Variants in FAT3 observed in about 807,000 individuals in gnomAD.
FAT3 encodes protocadherin Fat 3.
A neutral mutation model predicts 310.2 loss-of-function variants in FAT3; 95 were observed. The observed-to-expected ratio is 0.31, with a 90% CI of 0.26 to 0.36. The LOEUF is 0.36. Among genes scored for constraint, FAT3 ranks in the 10% least tolerant of loss-of-function variants. FAT3 has a pLI of 1.00. For synonymous variants in FAT3, 2,314 were observed against 2,192.9 expected, an observed-to-expected ratio of 1.06 and a Z score of -1.54; for missense variants, 5,408 against 5,715.6, an observed-to-expected ratio of 0.95 and a Z score of 1.74.
chr11:92,522,451 C>A (rs891178975), intron 2 of FAT3, among the ~76,000 whole-genome samples: 3 of 152,130 alleles, frequency 2.0e-5, no homozygotes, highest in African/African-American at 7.2e-5. Flanking sequence ...CCTTTATCAA[C>A]TAAGATGAAT....
rs549486103 is a variant in FAT3, at chr11:92,289,482, T to G, written c.-17-62614T>G. Among the ~76,000 whole-genome samples, 4 of 148,772 alleles carry G rather than the reference T, an allele frequency of 2.7e-5. No individual in the cohort carries two copies. The South Asian group carries it at 8.5e-4, about 32-fold the overall frequency. ...AAATGGTAGCTCCAACCTCCCAGCT[T>G]GGAGTCTCCATGATAGATACACACA... On this transcript the variant is annotated intron_variant, in intron 1 of 27. Transcript: ENST00000525166.
chr11:92,799,914 C>T lies in FAT3; in HGVS notation c.6901C>T (p.Leu2301Phe), dbSNP rs370503286. Residue 2301 changes from leucine to phenylalanine, a missense_variant, in exon 10 of 28, where the codon CTT (leucine) becomes TTT (phenylalanine). By Grantham distance (22) the Leu-to-Phe change is conservative (BLOSUM62 0). This residue lies in a region of FAT3 where 4,588 missense variants were observed against 4,809.8 expected (regional missense o/e 0.95). Coordinates refer to ENST00000525166, the MANE Select transcript of FAT3 (RefSeq NM_001367949.2). ...CAATACAACACTATCAGAAGCATCT[C>T]TTATTGGGACACCTGTTTTACAAGT... is the stretch of plus-strand genomic sequence containing the variant. ...TYNTTLSEASLIGTPVLQVVS... is the reference protein window; with the variant it reads ...TYNTTLSEASFIGTPVLQVVS... 70 of 1,612,642 alleles carry T rather than the reference C, an allele frequency of 4.3e-5. No homozygotes were observed. The highest frequency in any genetic ancestry group is 5.6e-5 in the Non-Finnish European group (66 of 1,179,342).
intron 7 of FAT3, among the ~76,000 whole-genome samples, chr11:92,786,617 G>T (rs1017048779): frequency 2.0e-5 from 3 of 152,062 alleles, no homozygotes; most frequent in Non-Finnish European, 4.4e-5. Context: ...TGTTGGCAAG[G>T]TTGTGAGAAA....
intron 3 of FAT3, among the ~76,000 whole-genome samples, chr11:92,533,059 A>C (rs1158514658): frequency 6.6e-6 from 1 of 152,110 alleles, no homozygotes; most frequent in Non-Finnish European, 1.5e-5. Context: ...TAAGAGACAG[A>C]GTCTCCCGCT....
rs2136350808 is a variant in FAT3 at position 92,867,033 on chromosome 11, G to A, written c.11951G>A (p.Gly3984Asp). Residue 3984 changes from glycine to aspartate, a missense_variant, in exon 22 of 28, where the codon GGC becomes GAC. By Grantham distance (94) the Gly-to-Asp change is moderately conservative. This residue lies in a region of FAT3 where 4,588 missense variants were observed against 4,809.8 expected (regional missense o/e 0.95). Coordinates refer to ENST00000525166, the MANE Select transcript of FAT3 (RefSeq NM_001367949.2). The part of the protein sequence containing the change: ...RVTQVLSGFQ[G>D]CLDSVILNNN... Reference sequence around the variant, plus strand: ...ACGCAGGTGCTCAGCGGCTTCCAGGGCTGCCTGGACTCGGTGATACTGAAT... The same window carrying A: ...ACGCAGGTGCTCAGCGGCTTCCAGGACTGCCTGGACTCGGTGATACTGAAT... 1 of 1,591,532 alleles carries A rather than the reference G, an allele frequency of 6.3e-7. No homozygotes were observed. The highest frequency in any genetic ancestry group is 8.6e-7 in the Non-Finnish European group (1 of 1,169,124).
chr11:92,344,997 C>T (rs1278225238), intron 1 of FAT3, among the ~76,000 whole-genome samples: 1 of 152,138 alleles, frequency 6.6e-6, no homozygotes, highest in East Asian at 1.9e-4. Flanking sequence ...GGAAGTTCTA[C>T]TTTAAGAAAC....
At chr11:92,313,573 G>A (rs185523026) in intron 1 of FAT3, among the ~76,000 whole-genome samples, 157 of 151,828 alleles carry the variant, frequency 1.0e-3, no homozygotes, top group South Asian at 1.7e-3. Flanking sequence ...GTTTTGTTTC[G>A]TTTTGAGACA....
At chr11:92,674,573 A>C (rs1174753486) in intron 3 of FAT3, among the ~76,000 whole-genome samples, 1 of 151,982 alleles carries the variant, frequency 6.6e-6, no homozygotes, top group African/African-American at 2.4e-5. Context: ...CCCAAGCTGG[A>C]GTGCAGTGGC....
intron 3 of FAT3, among the ~76,000 whole-genome samples, chr11:92,544,452 A>G (rs508900): frequency 1.3e-5 from 2 of 152,048 alleles, no homozygotes; most frequent in Non-Finnish European, 2.9e-5. Context: ...GAATGCTTCA[A>G]ATTATCTCAT....
chr11:92,352,822 G>T lies in FAT3; in HGVS notation c.710G>T (p.Gly237Val). ...YDLEILAVDR[G>V]MKLYGNNGVS... ...CTGGAAATTTTGGCTGTGGACCGGG[G>T]AATGAAACTGTATGGGAACAATGGA... The change falls in exon 2 of 28, where the codon GGA (glycine) becomes GTA (valine). Residue 237 changes from glycine (G) to valine (V), a missense_variant. Physicochemically the swap from Gly to Val is moderately radical, Grantham distance 109. Coordinates refer to ENST00000525166, the MANE Select transcript of FAT3 (RefSeq NM_001367949.2). 6.2e-7 allele frequency: 1 copy of T among 1,613,912 alleles called. No individual in the cohort carries two copies. Among genetic ancestry groups the T allele is most frequent in the East Asian group, 2.2e-5 (1 of 44,882 alleles).
At chr11:92,688,670 C>G (rs1943705600) in intron 3 of FAT3, among the ~76,000 whole-genome samples, 1 of 152,168 alleles carries the variant, frequency 6.6e-6, no homozygotes, top group South Asian at 2.1e-4. Context: ...AGCCAGTCAT[C>G]TTAAAATTCC....
chr11:92,355,011 C>T lies in FAT3; in HGVS notation c.2899C>T (p.Leu967=), dbSNP rs7479732. ...TGAGACCCATGATCCAGATCTTGGA[C>T]TGGGGGGTCAAGTGCGCTATTCTTT... ...WLETHDPDLG[L]GGQVRYSLVN... The change falls in exon 2 of 28, where the codon CTG becomes TTG. Residue 967 remains leucine, a synonymous_variant. Coordinates refer to ENST00000525166, the MANE Select transcript of FAT3 (RefSeq NM_001367949.2). 387,757 of 1,613,492 alleles carry T rather than the reference C, an allele frequency of 0.24. 56,185 individuals are homozygous for T. The highest frequency in any genetic ancestry group is 0.71 in the African/African-American group (53,399 of 74,916).
chr11:92,457,102 G>C (rs1591314791), intron 2 of FAT3, among the ~76,000 whole-genome samples: 1 of 152,132 alleles, frequency 6.6e-6, no homozygotes, highest in South Asian at 2.1e-4. Flanking sequence ...AAAAGGGCCT[G>C]TAGGTCCTGT....
At chr11:92,684,389 C>T (rs1223170254) in intron 3 of FAT3, among the ~76,000 whole-genome samples, 1 of 152,040 alleles carries the variant, frequency 6.6e-6, no homozygotes. Context: ...GTCCCGGGAC[C>T]CTGGACATGA....
At chr11:92,559,199 G>A (rs1955132047) in intron 3 of FAT3, among the ~76,000 whole-genome samples, 1 of 151,962 alleles carries the variant, frequency 6.6e-6, no homozygotes, top group African/African-American at 2.4e-5. Flanking sequence ...AGATTGTTCA[G>A]TTCAATGGTT....
intron 1 of FAT3, among the ~76,000 whole-genome samples, chr11:92,263,242 A>G (rs1232775733): frequency 6.7e-6 from 1 of 148,926 alleles, no homozygotes; most frequent in Non-Finnish European, 1.5e-5. Context: ...TTTTTTCTCG[A>G]TTCACTTATT....
Position 92,325,932 on chromosome 11 carries a change from G to T in FAT3, c.-17-26164G>T, listed in dbSNP as rs1947751876. On this transcript the variant is annotated intron_variant, in intron 1 of 27. Transcript: ENST00000525166. ...GGCATGAGCCACCATACCTGGCCGGGCCATTCTTTATTTGTGGGGATGTGT... is the reference window on the plus strand; with the variant it reads ...GGCATGAGCCACCATACCTGGCCGGTCCATTCTTTATTTGTGGGGATGTGT... 1.3e-5 allele frequency among the ~76,000 whole-genome samples: 2 copies of T among 152,132 alleles called. 1 individual carries two copies. The highest frequency in any genetic ancestry group is 1.3e-4 in the Admixed American group (2 of 15,266).
At chr11:92,789,420 C>T (rs1946980442) in intron 7 of FAT3, among the ~76,000 whole-genome samples, 1 of 152,108 alleles carries the variant, frequency 6.6e-6, no homozygotes, top group Non-Finnish European at 1.5e-5. Context: ...ATCATTAGCG[C>T]CACGTTCTTT....
At chr11:92,767,058 G>A (rs1031403029) in intron 6 of FAT3, among the ~76,000 whole-genome samples, 1 of 152,118 alleles carries the variant, frequency 6.6e-6, no homozygotes, top group African/African-American at 2.4e-5. Flanking sequence ...AGACCAACGT[G>A]TCCAACATGG....
Sources: gnomAD v4.1 joint callset for allele counts (sites outside exome capture counted in the v4.1 genomes callset) on GRCh38, gnomAD v4.1.1 for gene constraint, gnomAD v4.1.1 regional missense constraint, MANE v1.5 for transcripts, NCBI Gene and HGNC (gene_info 2026-07-23, HGNC 2026-07-21) for gene names.